Variants in CHST11 observed in about 807,000 individuals in gnomAD.
CHST11 encodes carbohydrate sulfotransferase 11.
CHST11 carries 9 observed loss-of-function variants against 30.4 expected under a neutral mutation model. The ratio of observed to expected loss-of-function variants is 0.30; its 90% CI spans 0.18 to 0.52. The LOEUF (loss-of-function observed/expected upper bound fraction) is 0.52, where lower values mean the gene tolerates loss of function less well. Ranked by LOEUF, CHST11 falls within the 20% of genes least tolerant of loss-of-function variation. The pLI is 0.97. For synonymous variants in CHST11, 152 were observed against 187.8 expected, an observed-to-expected ratio of 0.81 and a Z score of 1.56; for missense variants, 348 against 460.6, an observed-to-expected ratio of 0.76 and a Z score of 2.24.
chr12:104,719,765 A>G (rs2040158964), intron 2 of CHST11, among the ~76,000 whole-genome samples: 1 of 152,104 alleles, frequency 6.6e-6, no homozygotes, highest in Non-Finnish European at 1.5e-5. Flanking sequence ...TGGAGGATGG[A>G]CTGGCCCTGG....
At chr12:104,752,945 G>A (rs1473313948) in intron 2 of CHST11, among the ~76,000 whole-genome samples, 1 of 152,170 alleles carries the variant, frequency 6.6e-6, no homozygotes, top group Non-Finnish European at 1.5e-5. Context: ...CATCTCCTAT[G>A]GGGCTGGCAC....
chr12:104,679,400 C>G (rs535242376), intron 2 of CHST11, among the ~76,000 whole-genome samples: 2 of 152,256 alleles, frequency 1.3e-5, no homozygotes, highest in East Asian at 1.9e-4. Context: ...AGGCCTGGAA[C>G]CAATTCAGGC....
Position 104,620,160 on chromosome 12 carries a change from A to C in CHST11, c.204+18169A>C, listed in dbSNP as rs147164158. ...TGTCCCCTAAAGGTATTTTGTCACC[A>C]CACAGAATGGCTCCCAAATGGTGCC... On this transcript the variant is annotated intron_variant, in intron 2 of 2. Transcript: ENST00000303694. Among the ~76,000 whole-genome samples the C allele has an allele frequency of 2.4e-3, 368 of 152,330 alleles. 1 individual carries two copies. The highest frequency in any genetic ancestry group is 6.8e-3 in the Middle Eastern group (2 of 294).
At chr12:104,606,442 A>G (rs1313439998) in intron 2 of CHST11, among the ~76,000 whole-genome samples, 1 of 152,190 alleles carries the variant, frequency 6.6e-6, no homozygotes, top group African/African-American at 2.4e-5. Context: ...ACCATTCTAC[A>G]TATTTTTCAC....
At chr12:104,622,718 G>C (rs2039171770) in intron 2 of CHST11, among the ~76,000 whole-genome samples, 1 of 152,206 alleles carries the variant, frequency 6.6e-6, no homozygotes, top group African/African-American at 2.4e-5. Flanking sequence ...CTGTGCCTCA[G>C]TTTCCTCATC....
At chr12:104,570,632 A>G (rs2038614878) in intron 1 of CHST11, among the ~76,000 whole-genome samples, 1 of 152,166 alleles carries the variant, frequency 6.6e-6, no homozygotes, top group African/African-American at 2.4e-5. Flanking sequence ...TTTAGAAGGA[A>G]TAGCAACAGT....
intron 2 of CHST11, among the ~76,000 whole-genome samples, chr12:104,690,373 A>G (rs2039886203): frequency 6.6e-6 from 1 of 152,208 alleles, no homozygotes. Context: ...TCAATTTGCT[A>G]AAAACTATTC....
At chr12:104,497,909 C>CTTTTTTTTTTTTTTTTTTTTT (rs1205174607) in intron 1 of CHST11, among the ~76,000 whole-genome samples, 1 of 75,676 alleles carries the variant, frequency 1.3e-5, no homozygotes, top group Non-Finnish European at 2.4e-5. Flanking sequence ...CCTGCCCCCT[C>CTTTTTTTTTTTTTTTTTTTTT]TTTTTTTTTT....
In CHST11 at chr12:104,557,482, G is replaced by A. The variant is rs12581139; in HGVS notation, c.119-44424G>A. ...GCATTGGGAGGGGGATGCACCGGGC[G>A]GGGACAGGAGAAGGGGGGCACCGGC... On this transcript the variant is annotated intron_variant, in intron 1 of 2. Transcript: ENST00000303694. Among the ~76,000 whole-genome samples, 289 of 152,226 alleles carry A rather than the reference G, an allele frequency of 1.9e-3. 7 individuals carry two copies. The East Asian group carries it at 0.035, about 18-fold the overall frequency.
chr12:104,487,502 T>C (rs1344493401), intron 1 of CHST11, among the ~76,000 whole-genome samples: 5 of 152,264 alleles, frequency 3.3e-5, no homozygotes, highest in Non-Finnish European at 7.3e-5. Context: ...GCTCAAGCGA[T>C]GCTCCCGCTT....
intron 1 of CHST11, chr12:104,514,550 A>AGAGGTTTACTTGGCTCAC: frequency 4.1e-6 from 2 of 484,608 alleles, no homozygotes; most frequent in Non-Finnish European, 7.5e-6. Context: ...AAAAAGAAAT[A>AGAGGTTTACTTGGCTCAC]GAGGTTTACT....
intron 1 of CHST11, among the ~76,000 whole-genome samples, chr12:104,585,677 G>C (rs752338798): frequency 1.3e-5 from 2 of 152,198 alleles, no homozygotes; most frequent in Non-Finnish European, 2.9e-5. Flanking sequence ...GTTTGCTAGG[G>C]CTGCCATGAC....
chr12:104,525,607 C>T (rs1354994625), intron 1 of CHST11, among the ~76,000 whole-genome samples: 1 of 152,124 alleles, frequency 6.6e-6, no homozygotes, highest in Non-Finnish European at 1.5e-5. Context: ...CAGTATTTAC[C>T]TGAGAGAACT....
At chr12:104,524,897 G>C (rs1042943978) in intron 1 of CHST11, among the ~76,000 whole-genome samples, 1 of 151,860 alleles carries the variant, frequency 6.6e-6, no homozygotes, top group African/African-American at 2.4e-5. Context: ...TGTGAACAGA[G>C]CAAAGCATGC....
At chr12:104,540,298 A>G (rs1704929) in intron 1 of CHST11, among the ~76,000 whole-genome samples, 97,246 of 152,046 alleles carry the variant, frequency 0.64, 31,938 homozygotes, top group East Asian at 0.97. Flanking sequence ...TAAAATTGAT[A>G]TATATTTAAA....
chr12:104,717,156 G>C (rs931415287), intron 2 of CHST11, among the ~76,000 whole-genome samples: 1 of 152,190 alleles, frequency 6.6e-6, no homozygotes, highest in African/African-American at 2.4e-5. Flanking sequence ...AATTCCATCT[G>C]CTACCTTGAT....
intron 2 of CHST11, among the ~76,000 whole-genome samples, chr12:104,709,775 G>A (rs182806648): frequency 1.3e-5 from 2 of 152,144 alleles, no homozygotes; most frequent in African/African-American, 4.8e-5. Flanking sequence ...GGGACAGAGG[G>A]TAACAGCGAA....
intron 1 of CHST11, among the ~76,000 whole-genome samples, chr12:104,597,191 A>G (rs2136043994): frequency 6.6e-6 from 1 of 152,318 alleles, no homozygotes; most frequent in Non-Finnish European, 1.5e-5. Flanking sequence ...CAATGAAACA[A>G]ACACGAGCGG....
chr12:104,625,301 C>CCTTTTT (rs896895698), intron 2 of CHST11, among the ~76,000 whole-genome samples: 32 of 152,140 alleles, frequency 2.1e-4, no homozygotes, highest in African/African-American at 6.8e-4. Context: ...CAGTGACCAT[C>CCTTTTT]CTTTTTCTTT....
Sources: allele counts gnomAD v4.1 joint callset (sites outside exome capture counted in the v4.1 genomes callset), GRCh38; gene constraint gnomAD v4.1.1; transcripts MANE v1.5; gene names NCBI Gene and HGNC (gene_info 2026-07-23, HGNC 2026-07-21).